VLDLR: variants seen among roughly 807,000 people sequenced by gnomAD.
VLDLR encodes very low-density lipoprotein receptor.
A neutral mutation model predicts 112.7 loss-of-function variants in VLDLR; 81 were observed. That is an observed-to-expected ratio of 0.72 (90% CI 0.60 to 0.86). VLDLR has a LOEUF of 0.86. VLDLR is among the 40% of genes least tolerant of loss of function. The pLI is 0.00. For missense variants in VLDLR, 1,237 were observed against 1,099.4 expected (o/e 1.13, Z -1.77); for synonymous variants, 436 against 384.8 (o/e 1.13, Z -1.56).
At chr9:2,630,042 C>G (rs1817270596) in intron 1 of VLDLR, among the ~76,000 whole-genome samples, 1 of 152,182 alleles carries the variant, frequency 6.6e-6, no homozygotes, top group Non-Finnish European at 1.5e-5. Flanking sequence ...GATCTGCCCG[C>G]CTCAGCCTCC....
chr9:2,628,257 A>G (rs918825663), intron 1 of VLDLR, among the ~76,000 whole-genome samples: 4 of 152,158 alleles, frequency 2.6e-5, no homozygotes, highest in Non-Finnish European at 4.4e-5. Flanking sequence ...TATTATGAGA[A>G]AGCAGCCAGA....
At chr9:2,636,418 C>T (rs1817601240) in intron 2 of VLDLR, among the ~76,000 whole-genome samples, 2 of 152,202 alleles carry the variant, frequency 1.3e-5, no homozygotes, top group African/African-American at 4.8e-5. Context: ...AAAGTAGAGT[C>T]TAAATGTAGG....
rs1818076677 is a variant in VLDLR, at chr9:2,646,438, C to G, written c.1589C>G (p.Thr530Ser). ...TGGGTGTACAAGACCATCTACTGGA[C>G]TGATGCGGCTTCTAAGACTATTTCA... ...VDWVYKTIYW[T>S]DAASKTISVA... is the part of the protein sequence containing the mutation. Residue 530 changes from threonine (T) to serine (S), a missense_variant, in exon 11 of 19, where the codon ACT becomes AGT. Thr to Ser is a moderately conservative substitution (Grantham distance 58). Transcript: ENST00000382100. The G allele has an allele frequency of 6.2e-7, 1 of 1,614,132 alleles. No homozygotes were observed. The highest frequency in any genetic ancestry group is 8.5e-7 in the Non-Finnish European group (1 of 1,180,008).
intron 1 of VLDLR, among the ~76,000 whole-genome samples, chr9:2,627,396 T>A (rs1371253572): frequency 1.3e-5 from 2 of 152,164 alleles, no homozygotes; most frequent in African/African-American, 4.8e-5. Context: ...TTAAAACATG[T>A]CAGAAGTAAA....
At chr9:2,636,401 C>T (rs1014893491) in intron 2 of VLDLR, among the ~76,000 whole-genome samples, 2 of 152,158 alleles carry the variant, frequency 1.3e-5, no homozygotes, top group Admixed American at 6.5e-5. Flanking sequence ...GGTAGAAATA[C>T]AGAAGAAAAG....
chr9:2,659,884 G>C lies in VLDLR; in HGVS notation c.*6016G>C, dbSNP rs1056046497. The stretch of plus-strand genomic sequence containing the variant: ...TAAATGTCACTTGATACTAGAATGC[G>C]ATTTAAAAGCATGTAATGCCTCAGG... On this transcript the variant is annotated 3_prime_UTR_variant, in exon 19 of 19. Transcript: ENST00000382100. 1 of 152,122 alleles carries C rather than the reference G, an allele frequency of 6.6e-6. No homozygotes were observed. The highest frequency in any genetic ancestry group is 1.5e-5 in the Non-Finnish European group (1 of 68,020). 9.4% of individuals were successfully genotyped at this position (152,122 alleles called of 1,614,324 possible). A position where few individuals can be genotyped will look rare whatever the true frequency, so the allele number is the denominator to read the frequency against.
At chr9:2,645,926 A>G (rs994490277) in intron 10 of VLDLR, among the ~76,000 whole-genome samples, 181 bp downstream of exon 10, 1 of 152,180 alleles carries the variant, frequency 6.6e-6, no homozygotes, top group African/African-American at 2.4e-5. Context: ...ATTAGAAACT[A>G]ACAATTGTCT....
At chr9:2,633,965 C>T (rs937006313) in intron 1 of VLDLR, among the ~76,000 whole-genome samples, 1 of 152,076 alleles carries the variant, frequency 6.6e-6, no homozygotes, top group Non-Finnish European at 1.5e-5. Flanking sequence ...TTCTAAATCC[C>T]TAGTATATTA....
chr9:2,624,844 C>T (rs1273985649), intron 1 of VLDLR, among the ~76,000 whole-genome samples: 1 of 152,164 alleles, frequency 6.6e-6, no homozygotes, highest in African/African-American at 2.4e-5. Flanking sequence ...CCAGCCAAGC[C>T]CTCCTTGGCA....
chr9:2,635,506 A>T lies in VLDLR; in HGVS notation c.136A>T (p.Ile46Phe), dbSNP rs766320221. The T allele has an allele frequency of 6.2e-7, 1 of 1,614,128 alleles. No homozygotes were observed. Among genetic ancestry groups the T allele is most frequent in the Non-Finnish European group, 8.5e-7 (1 of 1,179,986 alleles). ...SQFQCTNGRCITLLWKCDGDE... is the reference protein window; with the variant it reads ...SQFQCTNGRCFTLLWKCDGDE... ...ATTCCAGTGCACAAATGGTCGCTGT[A>T]TTACGCTGTTGTGGAAATGTGATGG... Residue 46 changes from isoleucine (I) to phenylalanine (F), a missense_variant, in exon 2 of 19, where the codon ATT becomes TTT. Ile to Phe is a conservative substitution (Grantham distance 21). Coordinates refer to ENST00000382100, the MANE Select transcript of VLDLR (RefSeq NM_003383.5).
At chr9:2,652,046 C>CTTTATGCTGT (rs1818375351) in intron 17 of VLDLR, 92 bp downstream of exon 17, 1 of 1,157,742 alleles carries the variant, frequency 8.6e-7, no homozygotes, top group African/African-American at 1.5e-5. Context: ...TTTCATGGGC[C>CTTTATGCTGT]TTTATGCTGT....
intron 2 of VLDLR, 117 bp from the exon 3 acceptor site, chr9:2,639,742 C>T: frequency 1.3e-6 from 2 of 1,483,400 alleles, no homozygotes; most frequent in South Asian, 1.1e-5. Context: ...GTTGAGTGCC[C>T]ATTGACTCAG....
chr9:2,648,272 G>C lies in VLDLR; in HGVS notation c.1887G>C (p.Leu629Phe). 1 of 1,614,192 alleles carries C rather than the reference G, an allele frequency of 6.2e-7. No homozygotes were observed. Among genetic ancestry groups the C allele is most frequent in the Non-Finnish European group, 8.5e-7 (1 of 1,180,012 alleles). Reference sequence around the variant, plus strand: ...TGCACATGTTATCCAGCGTGGACTTGAATGGCCAAGATCGTAGGATAGTAC... The same window carrying C: ...TGCACATGTTATCCAGCGTGGACTTCAATGGCCAAGATCGTAGGATAGTAC... ...SKLHMLSSVD[L>F]NGQDRRIVLK... Residue 629 changes from leucine (L) to phenylalanine (F), a missense_variant, in exon 13 of 19, where the codon TTG becomes TTC. Coordinates refer to ENST00000382100, the MANE Select transcript of VLDLR (RefSeq NM_003383.5).
Position 2,643,284 on chromosome 9 carries a change from A to G in VLDLR, c.573A>G (p.Pro191=). Residue 191 remains proline (P), a synonymous_variant, in exon 5 of 19, where the codon CCA becomes CCG. Coordinates refer to ENST00000382100, the MANE Select transcript of VLDLR (RefSeq NM_003383.5). ...DGSDELDCAP[P]TCGAHEFQCS... ...GTGATGAGCTGGACTGTGCCCCGCCAACCTGTGGCGCCCATGAGTTCCAGT... is the reference window on the plus strand; with the variant it reads ...GTGATGAGCTGGACTGTGCCCCGCCGACCTGTGGCGCCCATGAGTTCCAGT... 6.2e-7 allele frequency: 1 copy of G among 1,613,674 alleles called. No homozygotes were observed. The highest frequency in any genetic ancestry group is 8.5e-7 in the Non-Finnish European group (1 of 1,179,678).
chr9:2,622,391 G>T (rs1816847098), intron 1 of VLDLR, 120 bp downstream of exon 1: 1 of 861,230 alleles, frequency 1.2e-6, no homozygotes, highest in Non-Finnish European at 1.6e-6. Flanking sequence ...GGTTCTCCTC[G>T]CCTTCCCTCC....
intron 1 of VLDLR, among the ~76,000 whole-genome samples, chr9:2,627,061 A>T (rs1817126588): frequency 1.0e-5 from 1 of 97,256 alleles, no homozygotes; most frequent in Non-Finnish European, 2.2e-5. Context: ...GAGTGACCAT[A>T]GCACTGGTTC....
chr9:2,622,272 G>T lies in VLDLR; in HGVS notation c.82+1G>T. 1 of 1,485,824 alleles carries T rather than the reference G, an allele frequency of 6.7e-7. No individual in the cohort carries two copies. The highest frequency in any genetic ancestry group is 2.8e-5 in the East Asian group (1 of 35,448). 92.0% of individuals were successfully genotyped at this position (1,485,824 alleles called of 1,614,324 possible). A position where few individuals can be genotyped will look rare whatever the true frequency, so the allele number is the denominator to read the frequency against. ...CGGGAGAGCGGCGCCACCGGAACCG[G>T]TGAGTGAGGACGCGCCCCTCCGCCG... On this transcript the variant is annotated splice_donor_variant, in intron 1 of 18. Coordinates refer to ENST00000382100, the MANE Select transcript of VLDLR (RefSeq NM_003383.5). LOFTEE classifies it high-confidence loss of function.
intron 2 of VLDLR, 133 bp from the exon 3 acceptor site, chr9:2,639,726 T>C (rs1817745329): frequency 7.8e-7 from 1 of 1,275,460 alleles, no homozygotes; most frequent in Non-Finnish European, 1.1e-6. Flanking sequence ...CCCCTGGATA[T>C]TGGCAGTTGA....
At chr9:2,645,871 A>G (rs1818047760) in intron 10 of VLDLR, 126 bp downstream of exon 10, 2 of 1,003,742 alleles carry the variant, frequency 2.0e-6, no homozygotes, top group South Asian at 2.8e-5. Flanking sequence ...ACCTGGGGAC[A>G]TTAAATCTAA....
Sources: allele counts gnomAD v4.1 joint callset (sites outside exome capture counted in the v4.1 genomes callset), GRCh38; gene constraint gnomAD v4.1.1; transcripts MANE v1.5; gene names NCBI Gene and HGNC (gene_info 2026-07-23, HGNC 2026-07-21).